Variants in MAST4 observed in about 807,000 individuals in gnomAD.
MAST4 encodes the protein microtubule-associated serine/threonine-protein kinase 4.
A neutral mutation model predicts 162.7 loss-of-function variants in MAST4; 89 were observed. The observed-to-expected ratio is 0.55, with a 90% CI of 0.46 to 0.65. The LOEUF (loss-of-function observed/expected upper bound fraction) is 0.65, where lower values mean the gene tolerates loss of function less well. MAST4 is among the 30% of genes least tolerant of loss of function. The pLI, the probability that MAST4 is intolerant of heterozygous loss-of-function variation, is 0.00. For synonymous variants in MAST4, 1,479 were observed against 1,361.1 expected (o/e 1.09, Z -1.91); for missense variants, 3,153 against 3,374.0 (o/e 0.93, Z 1.62).
chr5:66,734,427 T>A (rs1334243386), intron 1 of MAST4, among the ~76,000 whole-genome samples: 2 of 152,236 alleles, frequency 1.3e-5, no homozygotes, highest in African/African-American at 4.8e-5. Flanking sequence ...ATGTGGGCCA[T>A]TGATCCATTG....
chr5:66,638,396 G>C (rs937986244), intron 1 of MAST4, among the ~76,000 whole-genome samples: 20 of 152,070 alleles, frequency 1.3e-4, no homozygotes, highest in African/African-American at 4.8e-4. Context: ...TCTCACCCTG[G>C]GTCACTCCTG....
chr5:66,840,870 C>T (rs951434857), intron 3 of MAST4, among the ~76,000 whole-genome samples: 2 of 152,106 alleles, frequency 1.3e-5, no homozygotes, highest in African/African-American at 2.4e-5. Context: ...GAATAAGCCA[C>T]TAAGTTTCGT....
intron 3 of MAST4, among the ~76,000 whole-genome samples, chr5:66,803,084 G>T (rs146432351): frequency 2.0e-5 from 3 of 152,238 alleles, no homozygotes; most frequent in African/African-American, 7.2e-5. Flanking sequence ...CCTTAACCTC[G>T]TGAGGCCTGG....
At chr5:66,679,354 A>G (rs1748177119) in intron 1 of MAST4, among the ~76,000 whole-genome samples, 1 of 152,182 alleles carries the variant, frequency 6.6e-6, no homozygotes, top group Non-Finnish European at 1.5e-5. Context: ...AAGTGGGGAC[A>G]ACTCCTCAGT....
rs1472511770 is a variant in MAST4, at chr5:67,169,117, G to T, written c.*2066G>T. 5 of 152,082 alleles carry T rather than the reference G, an allele frequency of 3.3e-5. No individual in the cohort carries two copies. Among genetic ancestry groups the T allele is most frequent in the Non-Finnish European group, 7.3e-5 (5 of 68,028 alleles). The allele number at this position is 152,082 out of a possible 1,614,324, so 9.4% of individuals were successfully genotyped here. On this transcript the variant is annotated 3_prime_UTR_variant, in exon 29 of 29. Transcript: ENST00000403625. Reference sequence around the variant, plus strand: ...TAACCCAATCCTACATTCAGCCATCGGGACAAGTCTGTCGGGGAGGTAGTT... The same window carrying T: ...TAACCCAATCCTACATTCAGCCATCTGGACAAGTCTGTCGGGGAGGTAGTT...
At chr5:67,062,345 C>T (rs1759725741) in intron 5 of MAST4, among the ~76,000 whole-genome samples, 1 of 152,008 alleles carries the variant, frequency 6.6e-6, no homozygotes, top group Non-Finnish European at 1.5e-5. Flanking sequence ...CTGCAGTGAG[C>T]CGAGATCACG....
At chr5:66,610,971 G>A (rs1014470716) in intron 1 of MAST4, among the ~76,000 whole-genome samples, 4 of 152,226 alleles carry the variant, frequency 2.6e-5, no homozygotes, top group African/African-American at 9.6e-5. Context: ...AACAGGAGAT[G>A]CCAGTGAAGG....
rs183128817 is a variant in MAST4, at chr5:67,108,854, C to T, written c.1357-1244C>T. On this transcript the variant is annotated intron_variant, in intron 10 of 28. Coordinates refer to ENST00000403625, the MANE Select transcript of MAST4 (RefSeq NM_001164664.2). ...TGTCATGGTAAAGCACCTTCAAGAA[C>T]GATTGTAAATGTTTATTACTGTGTT... Among the ~76,000 whole-genome samples, 63 of 152,074 alleles carry T rather than the reference C, an allele frequency of 4.1e-4. No homozygotes were observed. In the East Asian group the frequency reaches 0.01, roughly 24 times the overall value.
rs535262873 is a variant in MAST4 at position 66,967,641 on chromosome 5, G to C, written c.674+67659G>C. 6.1e-5 allele frequency among the ~76,000 whole-genome samples: 9 copies of C among 147,236 alleles called. 1 individual carries two copies. The Admixed American group carries it at 6.2e-4, about 10-fold the overall frequency. ...TGTACTGAGCAGAGGATTAGACTAC[G>C]TTATTCTCAAAAGCCCTTCCATCTT... On this transcript the variant is annotated intron_variant, in intron 4 of 28. Coordinates refer to ENST00000403625, the MANE Select transcript of MAST4 (RefSeq NM_001164664.2).
At chr5:66,598,144 G>A (rs1177490357) in intron 1 of MAST4, among the ~76,000 whole-genome samples, 2 of 152,190 alleles carry the variant, frequency 1.3e-5, no homozygotes, top group Non-Finnish European at 2.9e-5. Context: ...AAGGTTGAGA[G>A]GAGGCGAGTC....
rs188169687 is a variant in MAST4 at position 66,717,733 on chromosome 5, C to T, written c.364-41976C>T. Reference sequence around the variant, plus strand: ...TGAAGTCTAAGGTGTTGTTCCCCCACCCCTTGGCCTCAGATTTGTGTGGTG... The same window carrying T: ...TGAAGTCTAAGGTGTTGTTCCCCCATCCCTTGGCCTCAGATTTGTGTGGTG... On this transcript the variant is annotated intron_variant, in intron 1 of 28. Transcript: ENST00000403625. Among the ~76,000 whole-genome samples the T allele has an allele frequency of 1.2e-3, 183 of 152,306 alleles. 1 individual carries two copies. Among genetic ancestry groups the T allele is most frequent in the African/African-American group, 4.3e-3 (179 of 41,556 alleles).
chr5:66,935,658 C>T lies in MAST4; in HGVS notation c.674+35676C>T, dbSNP rs988331289. Among the ~76,000 whole-genome samples the T allele has an allele frequency of 4.3e-4, 63 of 148,060 alleles. 1 individual carries two copies. Among genetic ancestry groups the T allele is most frequent in the African/African-American group, 1.6e-3 (60 of 38,468 alleles). On this transcript the variant is annotated intron_variant, in intron 4 of 28. Transcript: ENST00000403625. ...CAGATGCTTCTCCATAGACTTTTTT[C>T]TTTCTTTCTTTCTTTCTTTTTTTTT...
intron 1 of MAST4, among the ~76,000 whole-genome samples, chr5:66,609,711 T>G (rs10051465): frequency 0.017 from 2,510 of 147,122 alleles, 29 homozygotes; most frequent in Non-Finnish European, 0.026. Flanking sequence ...TTTTGTTTTT[T>G]TTTTTTTGTT....
intron 4 of MAST4, among the ~76,000 whole-genome samples, chr5:67,019,738 C>T (rs189850751): frequency 6.6e-6 from 1 of 152,140 alleles, no homozygotes; most frequent in Admixed American, 6.5e-5. Context: ...TGTGAAGAAC[C>T]CTGTCATGGA....
At chr5:67,042,917 A>G (rs1188860809) in intron 4 of MAST4, among the ~76,000 whole-genome samples, 1 of 152,256 alleles carries the variant, frequency 6.6e-6, no homozygotes, top group Non-Finnish European at 1.5e-5. Flanking sequence ...GTGGAGGCAC[A>G]TGAAATCAGG....
intron 1 of MAST4, among the ~76,000 whole-genome samples, chr5:66,695,139 T>C (rs1052681338): frequency 3.3e-5 from 5 of 152,208 alleles, no homozygotes; most frequent in Admixed American, 1.3e-4. Context: ...TTCTAGTGTT[T>C]TTATAGTTTT....
chr5:66,733,482 C>T (rs534061830), intron 1 of MAST4, among the ~76,000 whole-genome samples: 1 of 152,284 alleles, frequency 6.6e-6, no homozygotes, highest in South Asian at 2.1e-4. Flanking sequence ...CTTAATGGGT[C>T]ATTAAGCGAG....
intron 3 of MAST4, among the ~76,000 whole-genome samples, chr5:66,868,963 G>A (rs1469662955): frequency 6.6e-6 from 1 of 152,072 alleles, no homozygotes; most frequent in Non-Finnish European, 1.5e-5. Context: ...TTTTCACCTT[G>A]GAGTCAGAAG....
chr5:66,826,405 G>A (rs1329021043), intron 3 of MAST4, among the ~76,000 whole-genome samples: 1 of 151,776 alleles, frequency 6.6e-6, no homozygotes, highest in East Asian at 1.9e-4. Flanking sequence ...CAAACACCTC[G>A]AGCTGCAGAG....
Sources: allele counts gnomAD v4.1 joint callset (sites outside exome capture counted in the v4.1 genomes callset), GRCh38; gene constraint gnomAD v4.1.1; transcripts MANE v1.5; gene names NCBI Gene and HGNC (gene_info 2026-07-23, HGNC 2026-07-21).